Variants in CDH18 observed in about 807,000 individuals in gnomAD.
CDH18 encodes cadherin 18.
A neutral mutation model predicts 67.9 loss-of-function variants in CDH18; 31 were observed. That is an observed-to-expected ratio of 0.46 (90% CI 0.34 to 0.62). The LOEUF (loss-of-function observed/expected upper bound fraction) is 0.62, where lower values mean the gene tolerates loss of function less well. Ranked by LOEUF, CDH18 falls within the 20% of genes least tolerant of loss-of-function variation. CDH18 has a pLI of 0.01. For synonymous variants in CDH18, 362 were observed against 347.2 expected, an observed-to-expected ratio of 1.04 and a Z score of -0.48; for missense variants, 890 against 975.5, an observed-to-expected ratio of 0.91 and a Z score of 1.17.
intron 3 of CDH18, among the ~76,000 whole-genome samples, chr5:19,756,581 T>G (rs773376999): frequency 3.9e-5 from 6 of 152,214 alleles, no homozygotes; most frequent in African/African-American, 1.4e-4. Context: ...TCTTTACCTC[T>G]GTTGTGGAGT....
intron 1 of CDH18, among the ~76,000 whole-genome samples, chr5:20,557,091 T>C (rs985318848): frequency 6.6e-6 from 1 of 152,196 alleles, no homozygotes; most frequent in Non-Finnish European, 1.5e-5. Context: ...AGGAACTTAC[T>C]AGTATGTATG....
chr5:20,493,265 C>T (rs908301416), intron 1 of CDH18, among the ~76,000 whole-genome samples: 3 of 139,352 alleles, frequency 2.2e-5, no homozygotes, highest in African/African-American at 8.0e-5. Context: ...AGGAGAATTG[C>T]TTGAGCCTGG....
At chr5:19,725,536 G>A (rs1369154836) in intron 4 of CDH18, among the ~76,000 whole-genome samples, 5 of 152,154 alleles carry the variant, frequency 3.3e-5, no homozygotes, top group African/African-American at 9.7e-5. Context: ...TTGGGAGGCC[G>A]AGGCGGGTGG....
At chr5:19,905,293 ACATTCAT>A (rs1184523270) in intron 2 of CDH18, among the ~76,000 whole-genome samples, 4 of 152,236 alleles carry the variant, frequency 2.6e-5, no homozygotes, top group Admixed American at 2.6e-4. Flanking sequence ...TATCCTAACC[ACATTCAT>A]CATGCAGGTT....
At position 20,447,521 on chromosome 5, in the gene CDH18, C is replaced by G. The variant is rs112842118; in HGVS notation, c.-580+127941G>C. Among the ~76,000 whole-genome samples, 71 of 152,248 alleles carry G rather than the reference C, an allele frequency of 4.7e-4. 2 individuals are homozygous for G. Among genetic ancestry groups the G allele is most frequent in the African/African-American group, 1.5e-3 (62 of 41,550 alleles). On this transcript the variant is annotated intron_variant, in intron 1 of 14. Transcript: ENST00000507958. ...GGAAGCAGAGACCAATTCTCACTAG[C>G]CAGTACTTTGATTTTATACTTCCCA...
intron 1 of CDH18, among the ~76,000 whole-genome samples, chr5:20,570,448 GA>G (rs1362843188): frequency 2.0e-5 from 3 of 152,070 alleles, no homozygotes; most frequent in African/African-American, 7.2e-5. Context: ...CTCACTACTG[GA>G]TCTTCTCTCA....
intron 1 of CDH18, among the ~76,000 whole-genome samples, chr5:20,287,156 T>C (rs1746753763): frequency 6.6e-6 from 1 of 151,804 alleles, no homozygotes; most frequent in African/African-American, 2.4e-5. Context: ...GACAAAGTGG[T>C]GCATTAGCAG....
At chr5:20,229,704 A>T (rs913244045) in intron 2 of CDH18, among the ~76,000 whole-genome samples, 1 of 151,512 alleles carries the variant, frequency 6.6e-6, no homozygotes, top group Non-Finnish European at 1.5e-5. Flanking sequence ...AATTCCATAT[A>T]TTTTTTTTAA....
intron 1 of CDH18, among the ~76,000 whole-genome samples, chr5:20,334,156 A>T (rs1427380030): frequency 1.0e-5 from 1 of 99,280 alleles, no homozygotes; most frequent in Admixed American, 1.1e-4. Flanking sequence ...TTTTTTTGAG[A>T]CGGAGTCTCG....
intron 1 of CDH18, among the ~76,000 whole-genome samples, chr5:20,382,182 C>G (rs1743961589): frequency 6.6e-6 from 1 of 152,116 alleles, no homozygotes; most frequent in Non-Finnish European, 1.5e-5. Flanking sequence ...AGAATTATCT[C>G]TGGGCAATAT....
rs769907172 is a variant in CDH18, at chr5:19,591,169, T to C, written c.887A>G (p.Asp296Gly). Residue 296 changes from aspartate (D) to glycine (G), a missense_variant, in exon 7 of 13, where the codon GAC becomes GGC. Physicochemically the swap from Asp to Gly is moderately conservative, Grantham distance 94 (BLOSUM62 -1). This residue lies in a region of CDH18 where 656 missense variants were observed against 668.1 expected (regional missense o/e 0.98). Transcript: ENST00000382275. The stretch of plus-strand genomic sequence containing the variant: ...GGTCATGTCAGCATTTGAGCCAGTG[T>C]CAGCATCATTTGCCTTGATTTTCCC... ...AVGKIKANDA[D>G]TGSNADMTYS... 6.2e-7 allele frequency: 1 copy of C among 1,612,736 alleles called. No homozygotes were observed. Among genetic ancestry groups the C allele is most frequent in the Non-Finnish European group, 8.5e-7 (1 of 1,179,136 alleles).
intron 2 of CDH18, among the ~76,000 whole-genome samples, chr5:20,186,382 T>C (rs530715822): frequency 2.0e-5 from 3 of 152,106 alleles, no homozygotes; most frequent in South Asian, 2.1e-4. Flanking sequence ...GCAAATCCCA[T>C]ATCTGGCAAG....
chr5:20,409,988 T>C (rs1356382112), intron 1 of CDH18, among the ~76,000 whole-genome samples: 1 of 151,710 alleles, frequency 6.6e-6, no homozygotes, highest in East Asian at 1.9e-4. Flanking sequence ...GATTAAGTCA[T>C]TATTCAAAAA....
At chr5:20,166,929 G>A (rs562877901) in intron 2 of CDH18, among the ~76,000 whole-genome samples, 6 of 152,174 alleles carry the variant, frequency 3.9e-5, no homozygotes, top group East Asian at 1.9e-4. Context: ...TAATTTTAAC[G>A]CTTCTTAATC....
rs563605030 is a variant in CDH18 at position 19,619,361 on chromosome 5, T to G, written c.644-6760A>C. Among the ~76,000 whole-genome samples the G allele has an allele frequency of 6.0e-4, 92 of 152,240 alleles. 4 individuals carry two copies. The South Asian group carries it at 0.017, about 27-fold the overall frequency. ...TACAGTAATACAGAAAACATTTTAA[T>G]AAACACAAAACACAGACTTCAGAGA... is the stretch of plus-strand genomic sequence containing the variant. On this transcript the variant is annotated intron_variant, in intron 5 of 12. Transcript: ENST00000382275.
chr5:19,995,623 A>T (rs1735945456), intron 2 of CDH18, among the ~76,000 whole-genome samples: 2 of 147,472 alleles, frequency 1.4e-5, no homozygotes, highest in Non-Finnish European at 3.0e-5. Flanking sequence ...AAAAAAAAAA[A>T]CTTTAAGCAT....
At chr5:20,342,390 C>T (rs899263647) in intron 1 of CDH18, among the ~76,000 whole-genome samples, 4 of 152,130 alleles carry the variant, frequency 2.6e-5, no homozygotes, top group Non-Finnish European at 5.9e-5. Flanking sequence ...AGGAGATAAA[C>T]CCTGTGCTCC....
chr5:19,999,861 C>T (rs183922564), intron 2 of CDH18, among the ~76,000 whole-genome samples: 2 of 152,290 alleles, frequency 1.3e-5, no homozygotes, highest in Non-Finnish European at 1.5e-5. Flanking sequence ...CAGCCCTACT[C>T]GTCACTTCTA....
intron 5 of CDH18, among the ~76,000 whole-genome samples, chr5:19,627,796 C>T (rs747655832): frequency 7.9e-5 from 12 of 151,972 alleles, no homozygotes; most frequent in Admixed American, 1.3e-4. Flanking sequence ...GCACAAATGC[C>T]CTAATGTGGG....
Sources: allele counts gnomAD v4.1 joint callset (sites outside exome capture counted in the v4.1 genomes callset), GRCh38; gene constraint gnomAD v4.1.1; regional missense constraint gnomAD v4.1.1; transcripts MANE v1.5; gene names NCBI Gene and HGNC (gene_info 2026-07-23, HGNC 2026-07-21).